Variants in ZPBP observed in about 807,000 individuals in gnomAD.
ZPBP encodes zona pellucida-binding protein 1.
ZPBP carries 26 observed loss-of-function variants against 44.8 expected under a neutral mutation model. That is an observed-to-expected ratio of 0.58 (90% CI 0.43 to 0.81). ZPBP has a LOEUF of 0.81. ZPBP is among the 30% of genes least tolerant of loss of function. The probability of loss-of-function intolerance (pLI) is 0.00; values close to 1 mark genes in which losing one functional copy is unlikely to be tolerated. For synonymous variants in ZPBP, 174 were observed against 153.2 expected (o/e 1.14, Z -1.00); for missense variants, 409 against 434.0 (o/e 0.94, Z 0.51).
At chr7:49,977,276 C>T (rs547846514) in intron 7 of ZPBP, among the ~76,000 whole-genome samples, 1 of 151,700 alleles carries the variant, frequency 6.6e-6, no homozygotes, top group Non-Finnish European at 1.5e-5. Context: ...CTTTGTGGGT[C>T]GAAAAGGCGG....
intron 6 of ZPBP, among the ~76,000 whole-genome samples, chr7:49,997,419 A>G (rs1797896349): frequency 6.6e-6 from 1 of 152,042 alleles, no homozygotes; most frequent in South Asian, 2.1e-4. Flanking sequence ...ATTCACACAC[A>G]TTTTCCTTAG....
intron 2 of ZPBP, among the ~76,000 whole-genome samples, chr7:49,863,987 C>A (rs1420766170): frequency 1.3e-5 from 2 of 151,788 alleles, no homozygotes. Context: ...AATATTTTCC[C>A]TTTAGTTTTG....
intron 1 of ZPBP, chr7:49,921,203 T>C (rs1435456303): frequency 2.0e-5 from 3 of 152,218 alleles, no homozygotes; most frequent in African/African-American, 7.2e-5. Flanking sequence ...GGAATGCCCA[T>C]GATGCTTTCA....
At chr7:49,925,162 T>C (rs894288071) in intron 1 of ZPBP, among the ~76,000 whole-genome samples, 4 of 152,214 alleles carry the variant, frequency 2.6e-5, no homozygotes, top group African/African-American at 9.6e-5. Context: ...ACTGGTCATA[T>C]GTTCTTTTGT....
chr7:50,031,375 C>G (rs1035488595), intron 4 of ZPBP, 65 bp from the exon 5 acceptor site: 64 of 1,168,654 alleles, frequency 5.5e-5, no homozygotes, highest in Non-Finnish European at 7.0e-5. Context: ...CATATTGCAA[C>G]TATTTAAGAA....
Position 49,877,481 on chromosome 7 carries a change from A to AAAATATACATATATATATATAT in ZPBP, n.509+23636_509+23637insATATATATATATATGTATATTT. 2.4e-4 allele frequency among the ~76,000 whole-genome samples: 3 copies of AAAATATACATATATATATATAT among 12,722 alleles called. 1 individual carries two copies. The highest frequency in any genetic ancestry group is 5.6e-4 in the African/African-American group (2 of 3,594). 8.3% of individuals were successfully genotyped at this position (12,722 alleles called of 152,430 possible). On this transcript the variant is annotated intron_variant and non_coding_transcript_variant, in intron 2 of 2. Coordinates refer to the ZPBP transcript ENST00000465922. ...CTGTCTCAAAAAAAAAAAAAAAAAAAATATATATATATATATATATATATA... is the reference window on the plus strand; with the variant it reads ...CTGTCTCAAAAAAAAAAAAAAAAAAAAAATATACATATATATATATATATATATATATATATATATATATATA...
chr7:50,062,374 C>A (rs962985434), intron 3 of ZPBP, among the ~76,000 whole-genome samples: 4 of 152,036 alleles, frequency 2.6e-5, no homozygotes, highest in Admixed American at 1.3e-4. Flanking sequence ...CAAAGTAATC[C>A]TAAGTAAAAA....
Position 49,937,519 on chromosome 7 carries a change from G to C in ZPBP, c.*9C>G, listed in dbSNP as rs1325536992. 1.9e-6 allele frequency: 3 copies of C among 1,600,846 alleles called. No individual in the cohort carries two copies. The African/African-American group carries it at 4.0e-5, about 21-fold the overall frequency. On this transcript the variant is annotated 3_prime_UTR_variant, in exon 8 of 8. Transcript: ENST00000046087. The stretch of plus-strand genomic sequence containing the variant: ...TTTAATAAACCACTGAATAACTGAA[G>C]ATAATGGCTTATAAGCACGTTTTTG...
intron 7 of ZPBP, among the ~76,000 whole-genome samples, chr7:49,941,872 T>G (rs988225425): frequency 6.6e-6 from 1 of 152,104 alleles, no homozygotes; most frequent in Non-Finnish European, 1.5e-5. Context: ...ACTACAAAGC[T>G]GCAATAATCA....
chr7:49,877,312 A>G (rs1791452389), intron 2 of ZPBP, among the ~76,000 whole-genome samples: 1 of 150,032 alleles, frequency 6.7e-6, no homozygotes. Flanking sequence ...AAATACAAAA[A>G]TTAGCTGGGC....
intron 3 of ZPBP, among the ~76,000 whole-genome samples, chr7:50,067,237 G>A (rs1212432733): frequency 6.6e-6 from 1 of 151,640 alleles, no homozygotes; most frequent in African/African-American, 2.4e-5. Context: ...GCTTTTTGGT[G>A]CCCCTTGCAG....
Position 49,983,430 on chromosome 7 carries a change from T to A in ZPBP, c.873A>T (p.Glu291Asp). 1 of 1,612,500 alleles carries A rather than the reference T, an allele frequency of 6.2e-7. No individual in the cohort carries two copies. Among genetic ancestry groups the A allele is most frequent in the South Asian group, 1.1e-5 (1 of 91,036 alleles). Residue 291 changes from glutamate (E) to aspartate (D), a missense_variant, in exon 7 of 8, where the codon GAA becomes GAT. Coordinates refer to ENST00000046087, the MANE Select transcript of ZPBP (RefSeq NM_007009.3). The part of the protein sequence containing the change: ...AEQLPQIYYI[E>D]GTLQMVWINR... The stretch of plus-strand genomic sequence containing the variant: ...TAATCCAAACCATTTGGAGAGTACC[T>A]TCAATATAGTATATTTGAGGTAATT...
At chr7:49,899,122 C>T (rs796457282) in intron 2 of ZPBP, among the ~76,000 whole-genome samples, 1 of 151,972 alleles carries the variant, frequency 6.6e-6, no homozygotes, top group South Asian at 2.1e-4. Context: ...GACTATCCCC[C>T]CTTATCCACA....
At chr7:50,082,087 G>T (rs544475287) in intron 2 of ZPBP, among the ~76,000 whole-genome samples, 188 bp from the exon 3 acceptor site, 25 of 151,868 alleles carry the variant, frequency 1.6e-4, no homozygotes, top group South Asian at 1.2e-3. Context: ...TTATGTATTT[G>T]TATGTATATA....
In ZPBP at chr7:49,877,481, A is replaced by AAAAAATATACATATATAT; in HGVS notation, n.509+23636_509+23637insATATATATGTATATTTTT. Among the ~76,000 whole-genome samples, 49 of 12,730 alleles carry AAAAAATATACATATATAT rather than the reference A, an allele frequency of 3.8e-3. 14 individuals carry two copies. The highest frequency in any genetic ancestry group is 5.0e-3 in the Non-Finnish European group (35 of 6,950). The allele number at this position is 12,730 out of a possible 152,430, so 8.4% of individuals were successfully genotyped here. On this transcript the variant is annotated intron_variant and non_coding_transcript_variant, in intron 2 of 2. Coordinates refer to the ZPBP transcript ENST00000465922. ...CTGTCTCAAAAAAAAAAAAAAAAAA[A>AAAAAATATACATATATAT]ATATATATATATATATATATATATA...
intron 2 of ZPBP, among the ~76,000 whole-genome samples, chr7:49,868,922 G>A (rs1464585509): frequency 6.6e-6 from 1 of 152,090 alleles, no homozygotes; most frequent in East Asian, 1.9e-4. Context: ...CCTGGCCTGG[G>A]AGATCTTTAA....
chr7:49,863,916 T>C (rs117173089), intron 2 of ZPBP, among the ~76,000 whole-genome samples: 2 of 152,194 alleles, frequency 1.3e-5, no homozygotes, highest in Non-Finnish European at 2.9e-5. Context: ...CCTTTTAGCA[T>C]AGTTTTTTCT....
intron 1 of ZPBP, among the ~76,000 whole-genome samples, chr7:49,903,376 A>G (rs1792884002): frequency 6.6e-6 from 1 of 152,236 alleles, no homozygotes; most frequent in African/African-American, 2.4e-5. Context: ...ACTGTGGTAC[A>G]GCCATACCAT....
intron 2 of ZPBP, among the ~76,000 whole-genome samples, chr7:49,875,395 A>AAAAC (rs1562746141): frequency 2.7e-5 from 4 of 149,490 alleles, no homozygotes; most frequent in African/African-American, 9.9e-5. Context: ...AAAAAAAAAA[A>AAAAC]AACAGGAATA....
Sources: gnomAD v4.1 joint callset for allele counts (sites outside exome capture counted in the v4.1 genomes callset) on GRCh38, gnomAD v4.1.1 for gene constraint, MANE v1.5 for transcripts, NCBI Gene and HGNC (gene_info 2026-07-23, HGNC 2026-07-21) for gene names.